Variants in CACNA1E observed in about 807,000 individuals in gnomAD.
The protein encoded by CACNA1E is calcium voltage-gated channel subunit alpha1 E, also known as voltage-dependent R-type calcium channel subunit alpha-1E.
A neutral mutation model predicts 259.2 loss-of-function variants in CACNA1E; 40 were observed. The ratio of observed to expected loss-of-function variants is 0.15; its 90% CI spans 0.12 to 0.20. The LOEUF is 0.20. CACNA1E is among the 10% of genes least tolerant of loss of function. The probability of loss-of-function intolerance (pLI) is 1.00; values close to 1 mark genes in which losing one functional copy is unlikely to be tolerated. For missense variants in CACNA1E, 1,874 were observed against 3,040.1 expected (o/e 0.62, Z 9.02); for synonymous variants, 1,104 against 1,138.5 (o/e 0.97, Z 0.61).
chr1:181,718,996 G>A (rs2102472317), intron 12 of CACNA1E, among the ~76,000 whole-genome samples: 1 of 152,302 alleles, frequency 6.6e-6, no homozygotes, highest in East Asian at 1.9e-4. Flanking sequence ...TCAGTTAGGT[G>A]CTAAAGATTT....
At chr1:181,401,898 G>A (rs553819924) in intron 1 of CACNA1E, among the ~76,000 whole-genome samples, 1 of 152,252 alleles carries the variant, frequency 6.6e-6, no homozygotes, top group East Asian at 1.9e-4. Flanking sequence ...CTAGAATACC[G>A]ACACCTTAAA....
chr1:181,771,660 T>C, intron 36 of CACNA1E: 1 of 475,966 alleles, frequency 2.1e-6, no homozygotes, highest in Non-Finnish European at 3.7e-6. Context: ...GGGAGAAAAT[T>C]TCATCAATGT....
rs1227794258 is a variant in CACNA1E, at chr1:181,807,798, G to A, written c.*8964G>A. ...GGGAGGTCTAGGTCCTTGCAGGCTG[G>A]ATTTTAGAAATTTCTAAGATTCTCT... is the stretch of plus-strand genomic sequence containing the variant. On this transcript the variant is annotated 3_prime_UTR_variant, in exon 48 of 48. Coordinates refer to ENST00000367573, the MANE Select transcript of CACNA1E (RefSeq NM_001205293.3). 1 of 151,980 alleles carries A rather than the reference G, an allele frequency of 6.6e-6. No individual in the cohort carries two copies. The highest frequency in any genetic ancestry group is 1.5e-5 in the Non-Finnish European group (1 of 68,002). The allele number at this position is 151,980 out of a possible 1,614,324, so 9.4% of individuals were successfully genotyped here.
rs903431469 is a variant in CACNA1E at position 181,717,148 on chromosome 1, T to C, written c.1371T>C (p.Tyr457=). 6.2e-6 allele frequency: 10 copies of C among 1,613,938 alleles called. No individual in the cohort carries two copies. The African/African-American group carries it at 9.3e-5, about 15-fold the overall frequency. Residue 457 remains tyrosine, a synonymous_variant, in exon 11 of 48, where the codon TAT becomes TAC. Transcript: ENST00000367573. ...GTGCAAAGGTAGACGGGGTCTCTTA[T>C]TTCCGGCACAAGGAAAGGCTTCTGC... ...IKSAKVDGVS[Y]FRHKERLLRI...
chr1:181,790,322 C>G lies in CACNA1E; in HGVS notation c.5787-123C>G, dbSNP rs77370814. 2,630 of 500,866 alleles carry G rather than the reference C, an allele frequency of 5.3e-3. 31 individuals carry two copies. The highest frequency in any genetic ancestry group is 0.024 in the African/African-American group (1,186 of 49,846). The allele number at this position is 500,866 out of a possible 1,614,324, so 31.0% of individuals were successfully genotyped here. ...TTTTTTTTTTTAATTTCAGGACTAGCCACATGTAAGTTACTAGGTTTACAA... is the reference window on the plus strand; with the variant it reads ...TTTTTTTTTTTAATTTCAGGACTAGGCACATGTAAGTTACTAGGTTTACAA... On this transcript the variant is annotated intron_variant, in intron 43 of 47. Transcript: ENST00000367573.
intron 6 of CACNA1E, among the ~76,000 whole-genome samples, chr1:181,632,976 T>A (rs1341449060): frequency 6.6e-6 from 1 of 152,216 alleles, no homozygotes; most frequent in Non-Finnish European, 1.5e-5. Flanking sequence ...CTGTTGTCAA[T>A]TACTTTTTAT....
intron 1 of CACNA1E, among the ~76,000 whole-genome samples, chr1:181,376,040 C>A (rs2101977065): frequency 6.6e-6 from 1 of 152,248 alleles, no homozygotes; most frequent in African/African-American, 2.4e-5. Context: ...AGGGCAGAAA[C>A]TATGCATGCA....
intron 7 of CACNA1E, among the ~76,000 whole-genome samples, chr1:181,658,302 G>A (rs16857943): frequency 0.084 from 12,820 of 152,164 alleles, 1,778 homozygotes; most frequent in African/African-American, 0.29. Flanking sequence ...ATTCTCTTAC[G>A]TCTTTCTCTG....
chr1:181,449,650 G>A (rs1661019328), intron 2 of CACNA1E, among the ~76,000 whole-genome samples: 1 of 152,200 alleles, frequency 6.6e-6, no homozygotes, highest in East Asian at 1.9e-4. Flanking sequence ...ATCCAGGAGG[G>A]TGGGAGGCCC....
intron 6 of CACNA1E, among the ~76,000 whole-genome samples, chr1:181,625,718 G>T (rs1656137054): frequency 6.6e-6 from 1 of 152,166 alleles, no homozygotes; most frequent in Non-Finnish European, 1.5e-5. Flanking sequence ...AGGTTATTTA[G>T]CTTTCTTATT....
chr1:181,462,877 A>T (rs968701187), intron 2 of CACNA1E, among the ~76,000 whole-genome samples: 18 of 152,160 alleles, frequency 1.2e-4, no homozygotes, highest in Admixed American at 3.3e-4. Context: ...TGTATAAATA[A>T]ATCACAGGTT....
chr1:181,318,323 T>A (rs1048277873), intron 1 of CACNA1E, among the ~76,000 whole-genome samples: 5 of 152,158 alleles, frequency 3.3e-5, no homozygotes, highest in African/African-American at 9.7e-5. Context: ...TGCCTGTTCC[T>A]CCTCTGCACG....
rs1053683698 is a variant in CACNA1E, at chr1:181,803,740, T to G, written c.*4906T>G. 1 of 152,272 alleles carries G rather than the reference T, an allele frequency of 6.6e-6. No individual in the cohort carries two copies. Among genetic ancestry groups the G allele is most frequent in the Non-Finnish European group, 1.5e-5 (1 of 68,082 alleles). The allele number at this position is 152,272 out of a possible 1,614,324, so 9.4% of individuals were successfully genotyped here. A position where few individuals can be genotyped will look rare whatever the true frequency, so the allele number is the denominator to read the frequency against. On this transcript the variant is annotated 3_prime_UTR_variant, in exon 48 of 48. Transcript: ENST00000367573. ...TCTTTTTCTTTCCTTGAATCCTTTC[T>G]GCTTTAAACTTCTGAGGTTTATGCA...
intron 22 of CACNA1E, 72 bp downstream of exon 22, chr1:181,736,506 A>G (rs1226792710): frequency 7.2e-7 from 1 of 1,392,884 alleles, no homozygotes. Context: ...GGCAGGGTGA[A>G]GGGGAGAGGA....
At chr1:181,593,210 G>A (rs1490903140) in intron 6 of CACNA1E, among the ~76,000 whole-genome samples, 1 of 152,214 alleles carries the variant, frequency 6.6e-6, no homozygotes, top group Non-Finnish European at 1.5e-5. Context: ...GCTGTGAGCT[G>A]TGGACTTACA....
intron 1 of CACNA1E, among the ~76,000 whole-genome samples, chr1:181,332,792 A>G (rs1651386993): frequency 6.6e-6 from 1 of 152,176 alleles, no homozygotes; most frequent in South Asian, 2.1e-4. Context: ...AATCTGATGA[A>G]AGCTATGGAC....
At chr1:181,652,629 A>G (rs1330563817) in intron 7 of CACNA1E, among the ~76,000 whole-genome samples, 2 of 152,202 alleles carry the variant, frequency 1.3e-5, no homozygotes, top group Non-Finnish European at 2.9e-5. Context: ...AATTGGAGAC[A>G]CCAGGTAGGT....
chr1:181,789,565 G>A (rs951687662), intron 43 of CACNA1E, among the ~76,000 whole-genome samples: 5 of 152,084 alleles, frequency 3.3e-5, no homozygotes, highest in Admixed American at 6.5e-5. Context: ...TAATCTGGAA[G>A]CTCACTCTGC....
At chr1:181,479,402 G>A (rs573816475), upstream of CACNA1E, among the ~76,000 whole-genome samples, 1 of 152,244 alleles carries the variant, frequency 6.6e-6, no homozygotes, top group Admixed American at 6.5e-5. Context: ...ATTTTCAGAT[G>A]GTCTTCAGAC....
Sources: allele counts gnomAD v4.1 joint callset (sites outside exome capture counted in the v4.1 genomes callset), GRCh38; gene constraint gnomAD v4.1.1; transcripts MANE v1.5; gene names NCBI Gene and HGNC (gene_info 2026-07-23, HGNC 2026-07-21).